BRINP3: variants seen among roughly 807,000 people sequenced by gnomAD.
BRINP3 encodes the protein BMP/retinoic acid inducible neural specific 3, also known as BMP/retinoic acid-inducible neural-specific protein 3.
BRINP3 carries 19 observed loss-of-function variants against 71.0 expected under a neutral mutation model. The observed-to-expected ratio is 0.27, with a 90% CI of 0.19 to 0.39. BRINP3 has a LOEUF of 0.39. Ranked by LOEUF, BRINP3 falls within the 10% of genes least tolerant of loss-of-function variation. The probability of loss-of-function intolerance (pLI) is 1.00; values close to 1 mark genes in which losing one functional copy is unlikely to be tolerated. For synonymous variants in BRINP3, 380 were observed against 337.7 expected, an observed-to-expected ratio of 1.13 and a Z score of -1.37; for missense variants, 959 against 940.8, an observed-to-expected ratio of 1.02 and a Z score of -0.25.
intron 3 of BRINP3, among the ~76,000 whole-genome samples, chr1:190,268,482 C>T (rs991989890): frequency 1.3e-5 from 2 of 152,100 alleles, no homozygotes; most frequent in Admixed American, 6.6e-5. Flanking sequence ...GGAGGCATCT[C>T]TATTAAAATC....
intron 2 of BRINP3, among the ~76,000 whole-genome samples, chr1:190,365,657 ATATAT>A (rs757801984): frequency 4.7e-5 from 6 of 127,986 alleles, no homozygotes; most frequent in Admixed American, 3.7e-4. Context: ...TATAGTAAAA[ATATAT>A]TATAATTAAT....
chr1:190,263,271 C>T (rs962987065), intron 4 of BRINP3, among the ~76,000 whole-genome samples: 2 of 152,142 alleles, frequency 1.3e-5, no homozygotes, highest in African/African-American at 4.8e-5. Context: ...GAAACATCTG[C>T]ATTCATGCTG....
chr1:190,278,041 A>G (rs1662741769), intron 3 of BRINP3, among the ~76,000 whole-genome samples: 1 of 151,772 alleles, frequency 6.6e-6, no homozygotes, highest in South Asian at 2.1e-4. Flanking sequence ...ATCCCATTAA[A>G]GGCTTCAAGT....
intron 6 of BRINP3, among the ~76,000 whole-genome samples, chr1:190,223,187 G>A (rs1002815740): frequency 6.6e-6 from 1 of 151,918 alleles, no homozygotes; most frequent in African/African-American, 2.4e-5. Context: ...GCATTACCCT[G>A]ATACTAAAAC....
chr1:190,232,098 C>A (rs989905153), intron 5 of BRINP3, among the ~76,000 whole-genome samples: 3 of 151,966 alleles, frequency 2.0e-5, no homozygotes, highest in African/African-American at 7.2e-5. Context: ...AAACACAACA[C>A]ACAAGCAACT....
At chr1:190,242,491 C>A (rs76784338) in intron 4 of BRINP3, among the ~76,000 whole-genome samples, 2 of 151,984 alleles carry the variant, frequency 1.3e-5, no homozygotes, top group Non-Finnish European at 2.9e-5. Flanking sequence ...AGCACAAACA[C>A]GGATAAACAC....
At chr1:190,355,240 T>C (rs1668654666) in intron 2 of BRINP3, among the ~76,000 whole-genome samples, 1 of 151,862 alleles carries the variant, frequency 6.6e-6, no homozygotes, top group African/African-American at 2.4e-5. Context: ...AGGGTAGCAT[T>C]CAAATAATAC....
chr1:190,349,994 A>G (rs780271629), intron 2 of BRINP3, among the ~76,000 whole-genome samples: 256 of 152,214 alleles, frequency 1.7e-3, no homozygotes, highest in Non-Finnish European at 2.3e-3. Flanking sequence ...GCAGTCAAAT[A>G]GTCTTTTAGG....
At chr1:190,147,955 G>T (rs968536831) in intron 7 of BRINP3, among the ~76,000 whole-genome samples, 2 of 152,150 alleles carry the variant, frequency 1.3e-5, no homozygotes, top group African/African-American at 4.8e-5. Flanking sequence ...AGCCAGACAT[G>T]TAAGATGAGC....
chr1:190,389,343 A>G (rs922637896), intron 2 of BRINP3, among the ~76,000 whole-genome samples: 5 of 151,782 alleles, frequency 3.3e-5, no homozygotes, highest in Non-Finnish European at 7.4e-5. Context: ...ATATCCAATT[A>G]TATACCATGT....
chr1:190,345,812 C>G (rs1026698675), intron 2 of BRINP3, among the ~76,000 whole-genome samples: 2 of 149,922 alleles, frequency 1.3e-5, no homozygotes, highest in African/African-American at 4.9e-5. Context: ...ATCTATTAAA[C>G]AAAATATGTT....
intron 2 of BRINP3, among the ~76,000 whole-genome samples, chr1:190,431,230 T>G (rs973407876): frequency 6.6e-5 from 10 of 152,210 alleles, no homozygotes; most frequent in Non-Finnish European, 1.5e-4. Flanking sequence ...ATTAATTGAT[T>G]GTAAATGCAT....
intron 7 of BRINP3, among the ~76,000 whole-genome samples, chr1:190,128,979 A>G (rs1037070649): frequency 5.3e-5 from 8 of 151,880 alleles, no homozygotes; most frequent in Non-Finnish European, 1.0e-4. Flanking sequence ...TCCAATTATT[A>G]TCTCATAAGA....
intron 6 of BRINP3, among the ~76,000 whole-genome samples, chr1:190,191,730 T>G (rs1654054523): frequency 1.3e-5 from 2 of 152,092 alleles, no homozygotes; most frequent in South Asian, 2.1e-4. Context: ...TGTGCCTGTG[T>G]TTTTAATAAT....
At chr1:190,359,056 A>G (rs1668948501) in intron 2 of BRINP3, among the ~76,000 whole-genome samples, 1 of 152,138 alleles carries the variant, frequency 6.6e-6, no homozygotes. Context: ...AGTATACCTA[A>G]TGTAAATGAC....
intron 7 of BRINP3, among the ~76,000 whole-genome samples, chr1:190,153,688 T>A (rs1656615574): frequency 6.6e-6 from 1 of 152,164 alleles, no homozygotes; most frequent in African/African-American, 2.4e-5. Flanking sequence ...AACTAAATCA[T>A]AGATTCTATA....
chr1:190,386,081 T>G (rs1670877181), intron 2 of BRINP3, among the ~76,000 whole-genome samples: 1 of 71,886 alleles, frequency 1.4e-5, no homozygotes. Context: ...GGGACTGTTG[T>G]GGGGTGGGGG....
chr1:190,472,101 TG>T (rs1677175300), intron 1 of BRINP3, among the ~76,000 whole-genome samples: 1 of 151,612 alleles, frequency 6.6e-6, no homozygotes, highest in African/African-American at 2.4e-5. Context: ...TGGTATCCCT[TG>T]AAAAATATAT....
chr1:190,332,826 T>G (rs1439317585), intron 2 of BRINP3, among the ~76,000 whole-genome samples: 1 of 151,994 alleles, frequency 6.6e-6, no homozygotes, highest in East Asian at 1.9e-4. Context: ...AAATATTTGT[T>G]TCCTGATTTA....
Sources: allele counts gnomAD v4.1 joint callset (sites outside exome capture counted in the v4.1 genomes callset), GRCh38; gene constraint gnomAD v4.1.1; transcripts MANE v1.5; gene names NCBI Gene and HGNC (gene_info 2026-07-23, HGNC 2026-07-21).